KCNIP4: variants seen among roughly 807,000 people sequenced by gnomAD.
The protein encoded by KCNIP4 is potassium voltage-gated channel interacting protein 4.
KCNIP4 carries 12 observed loss-of-function variants against 34.0 expected under a neutral mutation model. The ratio of observed to expected loss-of-function variants is 0.35; its 90% CI spans 0.23 to 0.57. The LOEUF (loss-of-function observed/expected upper bound fraction) is 0.57, where lower values mean the gene tolerates loss of function less well. KCNIP4 is among the 20% of genes least tolerant of loss of function. KCNIP4 has a pLI of 0.83. For synonymous variants in KCNIP4, 124 were observed against 102.2 expected (o/e 1.21, Z -1.29); for missense variants, 238 against 311.7 (o/e 0.76, Z 1.78).
chr4:20,816,400 A>C (rs1443717982), intron 3 of KCNIP4, among the ~76,000 whole-genome samples: 2 of 152,172 alleles, frequency 1.3e-5, no homozygotes, highest in Non-Finnish European at 2.9e-5. Context: ...GCTGGCAAAA[A>C]AGCAAAGGGA....
intron 1 of KCNIP4, among the ~76,000 whole-genome samples, chr4:21,299,181 A>T (rs867239202): frequency 6.6e-6 from 1 of 152,118 alleles, no homozygotes; most frequent in Non-Finnish European, 1.5e-5. Flanking sequence ...TGTTTAACAC[A>T]TGTCTGACAT....
At chr4:20,969,300 T>C (rs981839727) in intron 1 of KCNIP4, among the ~76,000 whole-genome samples, 2 of 152,142 alleles carry the variant, frequency 1.3e-5, no homozygotes, top group Admixed American at 1.3e-4. Context: ...ATTTCATACT[T>C]ACAGAAAATT....
intron 1 of KCNIP4, among the ~76,000 whole-genome samples, chr4:21,353,795 G>C (rs1199220273): frequency 6.6e-6 from 1 of 152,046 alleles, no homozygotes; most frequent in Non-Finnish European, 1.5e-5. Flanking sequence ...GAAATACAGA[G>C]AACACCACAA....
chr4:21,620,466 T>C (rs1744926287), intron 1 of KCNIP4, among the ~76,000 whole-genome samples: 2 of 152,038 alleles, frequency 1.3e-5, no homozygotes, highest in Non-Finnish European at 2.9e-5. Context: ...CACTCCTGTC[T>C]GGGTAATAGA....
At chr4:21,563,941 A>T (rs1739647239) in intron 1 of KCNIP4, among the ~76,000 whole-genome samples, 1 of 152,126 alleles carries the variant, frequency 6.6e-6, no homozygotes, top group Admixed American at 6.6e-5. Flanking sequence ...AATCACGTAA[A>T]TTGTTTAAAA....
At chr4:20,797,148 C>T (rs966935187) in intron 3 of KCNIP4, among the ~76,000 whole-genome samples, 2 of 152,132 alleles carry the variant, frequency 1.3e-5, no homozygotes, top group African/African-American at 4.8e-5. Flanking sequence ...TTTTTGTCTA[C>T]ATTTATATTT....
intron 1 of KCNIP4, among the ~76,000 whole-genome samples, chr4:21,564,943 C>T (rs530144257): frequency 4.1e-4 from 63 of 152,190 alleles, no homozygotes; most frequent in African/African-American, 1.4e-3. Flanking sequence ...GATCTAACCC[C>T]CTTGAGTCAA....
chr4:21,137,230 A>G (rs1751569854), intron 1 of KCNIP4, among the ~76,000 whole-genome samples: 1 of 152,214 alleles, frequency 6.6e-6, no homozygotes, highest in Admixed American at 6.5e-5. Flanking sequence ...GCACTGGAAG[A>G]GCTCCCTCTA....
Position 20,770,503 on chromosome 4 carries a change from T to C in KCNIP4, c.289-11613A>G, listed in dbSNP as rs1755774616. ...AAAAAAAATACCGAGTAAAGAATTC[T>C]ACTTAAAAGAAACACGCAGTGTTTC... On this transcript the variant is annotated intron_variant, in intron 3 of 8. Coordinates refer to ENST00000382152, the MANE Select transcript of KCNIP4 (RefSeq NM_025221.6). Among the ~76,000 whole-genome samples the C allele has an allele frequency of 2.0e-5, 3 of 151,870 alleles. No homozygotes were observed. The South Asian group carries it at 6.2e-4, about 32-fold the overall frequency.
chr4:21,050,982 A>C (rs1742878996), intron 1 of KCNIP4, among the ~76,000 whole-genome samples: 1 of 152,164 alleles, frequency 6.6e-6, no homozygotes, highest in African/African-American at 2.4e-5. Context: ...GGAGATTCCC[A>C]GCTAGAAAAA....
At chr4:21,653,109 C>T (rs1747640746) in intron 1 of KCNIP4, among the ~76,000 whole-genome samples, 1 of 152,202 alleles carries the variant, frequency 6.6e-6, no homozygotes, top group Non-Finnish European at 1.5e-5. Flanking sequence ...GGCAAATACT[C>T]ACATACCCAG....
At chr4:21,767,497 G>A (rs16871882) in intron 1 of KCNIP4, among the ~76,000 whole-genome samples, 2 of 151,782 alleles carry the variant, frequency 1.3e-5, no homozygotes, top group Admixed American at 6.6e-5. Flanking sequence ...GAATGGTAAC[G>A]GCAGCTGGCT....
At chr4:21,783,755 T>C (rs1310301297) in intron 1 of KCNIP4, among the ~76,000 whole-genome samples, 1 of 152,168 alleles carries the variant, frequency 6.6e-6, no homozygotes, top group Non-Finnish European at 1.5e-5. Flanking sequence ...ATTATAAATG[T>C]ACATATCGGA....
At chr4:20,803,644 T>C (rs1714652321) in intron 3 of KCNIP4, among the ~76,000 whole-genome samples, 1 of 141,494 alleles carries the variant, frequency 7.1e-6, no homozygotes, top group Admixed American at 7.4e-5. Context: ...GGCAACAGAG[T>C]GGGACCCTAT....
intron 1 of KCNIP4, among the ~76,000 whole-genome samples, chr4:21,338,915 T>C (rs763798238): frequency 2.6e-5 from 4 of 152,120 alleles, no homozygotes; most frequent in Non-Finnish European, 4.4e-5. Context: ...ATTGGAAAGA[T>C]ACAAAACTAT....
At chr4:21,798,392 C>T (rs1432587953) in intron 1 of KCNIP4, among the ~76,000 whole-genome samples, 1 of 74,072 alleles carries the variant, frequency 1.4e-5, no homozygotes, top group East Asian at 4.0e-4. Context: ...TTTCCACACA[C>T]ACAAAAAAAT....
At chr4:20,852,636 C>G (rs1721156707) in intron 2 of KCNIP4, among the ~76,000 whole-genome samples, 1 of 152,010 alleles carries the variant, frequency 6.6e-6, no homozygotes, top group South Asian at 2.1e-4. Context: ...AGCAATCAGA[C>G]AAGAGAAAGA....
rs780880706 is a variant in KCNIP4 at position 20,734,680 on chromosome 4, T to G, written c.485A>C (p.Asn162Thr). Residue 162 changes from asparagine (N) to threonine (T), a missense_variant, in exon 6 of 9, where the codon AAT becomes ACT. Physicochemically the swap from Asn to Thr is moderately conservative, Grantham distance 65. Coordinates refer to ENST00000382152, the MANE Select transcript of KCNIP4 (RefSeq NM_025221.6). ...LLRGTVQEKL[N>T]WAFNLYDINK... ...TATGTCATACAGATTAAATGCCCAATTGAGTTTTTCTTGTACTGTCCCCCG... is the reference window on the plus strand; with the variant it reads ...TATGTCATACAGATTAAATGCCCAAGTGAGTTTTTCTTGTACTGTCCCCCG... 2 of 1,603,960 alleles carry G rather than the reference T, an allele frequency of 1.2e-6. No homozygotes were observed. Among genetic ancestry groups the G allele is most frequent in the Non-Finnish European group, 1.7e-6 (2 of 1,175,230 alleles).
At chr4:21,372,036 T>C (rs1720496328) in intron 1 of KCNIP4, among the ~76,000 whole-genome samples, 1 of 147,310 alleles carries the variant, frequency 6.8e-6, no homozygotes, top group Admixed American at 6.6e-5. Flanking sequence ...AGCCACAATG[T>C]GCTAGAAACA....
Sources: allele counts gnomAD v4.1 joint callset (sites outside exome capture counted in the v4.1 genomes callset), GRCh38; gene constraint gnomAD v4.1.1; transcripts MANE v1.5; gene names NCBI Gene and HGNC (gene_info 2026-07-23, HGNC 2026-07-21).